Variants in PRPF8 observed in about 807,000 individuals in gnomAD.
The protein encoded by PRPF8 is pre-mRNA-processing-splicing factor 8.
A neutral mutation model predicts 285.9 loss-of-function variants in PRPF8; 64 were observed. The ratio of observed to expected loss-of-function variants is 0.22; its 90% CI spans 0.18 to 0.28. PRPF8 has a LOEUF of 0.28. PRPF8 is among the 10% of genes least tolerant of loss of function. The pLI, the probability that PRPF8 is intolerant of heterozygous loss-of-function variation, is 1.00. For missense variants in PRPF8, 1,426 were observed against 3,026.7 expected (o/e 0.47, Z 12.41); for synonymous variants, 1,325 against 1,118.2 (o/e 1.18, Z -3.69).
chr17:1,676,400 G>A lies in PRPF8; in HGVS notation c.2389-30C>T, dbSNP rs763803697. The A allele has an allele frequency of 1.1e-5, 18 of 1,613,852 alleles. No individual in the cohort carries two copies. Among genetic ancestry groups the A allele is most frequent in the South Asian group, 6.6e-5 (6 of 91,084 alleles). ...AAGGTGGACATGAAATTAGCCTCCCGCTACAGCCCGATCCTGCCAGAACAA... is the reference window on the plus strand; with the variant it reads ...AAGGTGGACATGAAATTAGCCTCCCACTACAGCCCGATCCTGCCAGAACAA... On this transcript the variant is annotated intron_variant, in intron 16 of 42. Transcript: ENST00000304992. This position sits in a 1 kb window ranked among gnomAD's most constrained non-coding sequence, Gnocchi z 6.3.
At chr17:1,655,254 G>C in intron 37 of PRPF8, 96 bp downstream of exon 37, 1 of 1,412,148 alleles carries the variant, frequency 7.1e-7, no homozygotes, top group Non-Finnish European at 9.8e-7. Flanking sequence ...CACCGCGCCT[G>C]GCCTTCTTGA....
At chr17:1,674,961 G>C (rs1351280488) in intron 20 of PRPF8, among the ~76,000 whole-genome samples, 191 bp downstream of exon 20, 1 of 152,058 alleles carries the variant, frequency 6.6e-6, no homozygotes, top group Admixed American at 6.6e-5. Flanking sequence ...TTTAAGTAGA[G>C]ACGGGGTTTC....
chr17:1,679,692 A>G lies in PRPF8; in HGVS notation c.1206T>C (p.Ile402=), dbSNP rs1450235456. 2.5e-6 allele frequency: 4 copies of G among 1,614,038 alleles called. No homozygotes were observed. The highest frequency in any genetic ancestry group is 3.4e-6 in the Non-Finnish European group (4 of 1,180,042). The change falls in exon 9 of 43, where the codon ATT becomes ATC. Residue 402 remains isoleucine, a synonymous_variant. Coordinates refer to ENST00000304992, the MANE Select transcript of PRPF8 (RefSeq NM_006445.4). The surrounding 1 kb of genome is among the most constrained non-coding windows in gnomAD (Gnocchi z 4.7). ...PLYTDNTANG[I]ALLWAPRPFN... ...AGGGCCGCGGGGCCCAGAGCAGGGC[A>G]ATGCCATTGGCTGTATTGTCTGTAT...
chr17:1,656,352 C>T (rs776527898), intron 36 of PRPF8, 40 bp downstream of exon 36: 15 of 1,613,262 alleles, frequency 9.3e-6, no homozygotes, highest in East Asian at 8.9e-5. Flanking sequence ...ACCCTAAACC[C>T]GCTCCTCCTC....
rs1278088065 is a variant in PRPF8, at chr17:1,679,315, C to T, written c.1385G>A (p.Arg462Gln). 14 of 1,613,896 alleles carry T rather than the reference C, an allele frequency of 8.7e-6. No homozygotes were observed. Among genetic ancestry groups the T allele is most frequent in the Non-Finnish European group, 1.2e-5 (14 of 1,180,006 alleles). ...KYYVLNALKH[R>Q]PPKAQKKRYL... ...CCTCTTCTTTTGAGCCTTAGGGGGC[C>T]GATGCTTCAGGGCATTCAGCACATA... The change falls in exon 10 of 43, where the codon CGG (arginine) becomes CAG (glutamine). Residue 462 changes from arginine (R) to glutamine (Q), a missense_variant. Arg to Gln is a conservative substitution (Grantham distance 43, BLOSUM62 1). Transcript: ENST00000304992. This position sits in a 1 kb window ranked among gnomAD's most constrained non-coding sequence, Gnocchi z 4.7.
At position 1,658,643 on chromosome 17, in the gene PRPF8, G is replaced by C. The variant is rs1439589917; in HGVS notation, c.5259C>G (p.Leu1753=). ...AAGGCTCAGTGGGTTCAGATGAATAGAGCTGTAGCCCCTTGCGGATCCGTT... is the reference window on the plus strand; with the variant it reads ...AAGGCTCAGTGGGTTCAGATGAATACAGCTGTAGCCCCTTGCGGATCCGTT... ...LRERIRKGLQ[L]YSSEPTEPYL... is the part of the protein sequence containing the mutation. The change falls in exon 33 of 43, where the codon CTC becomes CTG. Residue 1753 remains leucine (L), a synonymous_variant. Coordinates refer to ENST00000304992, the MANE Select transcript of PRPF8 (RefSeq NM_006445.4). This position sits in a 1 kb window ranked among gnomAD's most constrained non-coding sequence, Gnocchi z 4.1. The C allele has an allele frequency of 5.0e-6, 8 of 1,614,112 alleles. No individual in the cohort carries two copies. The Admixed American group carries it at 8.3e-5, about 17-fold the overall frequency.
intron 8 of PRPF8, 42 bp downstream of exon 8, chr17:1,680,684 C>T: frequency 6.4e-7 from 1 of 1,555,184 alleles, no homozygotes; most frequent in Non-Finnish European, 8.9e-7. Context: ...TCACGCATTT[C>T]TCCTAGAAGA....
Position 1,662,148 on chromosome 17 carries a change from C to T in PRPF8, c.3780G>A (p.Val1260=). The change falls in exon 25 of 43, where the codon GTG becomes GTA. Residue 1260 remains valine, a synonymous_variant. Transcript: ENST00000304992. ...ASGSTTFTKI[V]NKWNTALIGL... Reference sequence around the variant, plus strand: ...CAATGAGAGCTGTATTCCACTTATTCACAATCTAAAGGTAGTAGAAAAAAA... The same window carrying T: ...CAATGAGAGCTGTATTCCACTTATTTACAATCTAAAGGTAGTAGAAAAAAA... The T allele has an allele frequency of 6.2e-7, 1 of 1,614,114 alleles. No homozygotes were observed. The highest frequency in any genetic ancestry group is 1.1e-5 in the South Asian group (1 of 91,054).
At position 1,679,722 on chromosome 17, in the gene PRPF8, G is replaced by A. The variant is rs1193260372; in HGVS notation, c.1176C>T (p.Pro392=). The A allele has an allele frequency of 1.2e-6, 2 of 1,614,156 alleles. No individual in the cohort carries two copies. The highest frequency in any genetic ancestry group is 1.7e-6 in the Non-Finnish European group (2 of 1,180,022). The change falls in exon 9 of 43, where the codon CCC becomes CCT. Residue 392 remains proline (P), a synonymous_variant. Transcript: ENST00000304992. The surrounding 1 kb of genome is among the most constrained non-coding windows in gnomAD (Gnocchi z 4.7). ...CATTGGCTGTATTGTCTGTATAGAG[G>A]GGTGTGTCCTTCAGGAAGGGCTCCA... ...EFVEPFLKDT[P]LYTDNTANGI...
chr17:1,659,603 C>T lies in PRPF8; in HGVS notation c.4947-55G>A, dbSNP rs1911577763. ...GAAACCATGGGCATAACCAATGTCC[C>T]CAGAACCAGAACCACTTAAATCCCA... On this transcript the variant is annotated intron_variant, in intron 31 of 42. Coordinates refer to ENST00000304992, the MANE Select transcript of PRPF8 (RefSeq NM_006445.4). This position sits in a 1 kb window ranked among gnomAD's most constrained non-coding sequence, Gnocchi z 5.1. 6.3e-7 allele frequency: 1 copy of T among 1,592,512 alleles called. No homozygotes were observed.
intron 8 of PRPF8, 127 bp downstream of exon 8, chr17:1,680,599 T>C (rs2151130904): frequency 1.2e-6 from 1 of 852,144 alleles, no homozygotes; most frequent in South Asian, 1.4e-5. Context: ...TATTCGCTTA[T>C]AGCTCAAGGG....
chr17:1,671,752 G>A (rs1912331599), intron 24 of PRPF8, among the ~76,000 whole-genome samples: 1 of 151,072 alleles, frequency 6.6e-6, no homozygotes, highest in South Asian at 2.1e-4. Context: ...TCAGGAGGCT[G>A]AGGCAGGAGA....
chr17:1,656,772 A>G lies in PRPF8; in HGVS notation c.5506-11T>C. ...CTTCCACTTAGCCAACTTAAAAGCA[A>G]GAGAGAAGAAAATGGAAATTTAGTC... On this transcript the variant is annotated splice_polypyrimidine_tract_variant and intron_variant, in intron 34 of 42. Transcript: ENST00000304992. The G allele has an allele frequency of 1.2e-6, 2 of 1,612,430 alleles. No homozygotes were observed. The highest frequency in any genetic ancestry group is 1.7e-6 in the Non-Finnish European group (2 of 1,178,848).
intron 24 of PRPF8, among the ~76,000 whole-genome samples, chr17:1,669,033 T>C (rs1301393857): frequency 6.6e-6 from 1 of 152,212 alleles, no homozygotes; most frequent in Non-Finnish European, 1.5e-5. Context: ...TCCTGTCAGG[T>C]TCAGAGGATT....
Position 1,655,438 on chromosome 17 carries a change from T to C in PRPF8, c.5899A>G (p.Ile1967Val). Residue 1967 changes from isoleucine to valine, a missense_variant, in exon 37 of 43, where the codon ATC becomes GTC. Ile to Val is a conservative substitution (Grantham distance 29). Around this residue, in one of 34 missense-constraint regions of PRPF8, gnomAD observed 35 missense variants for 47.7 expected, o/e 0.73. Coordinates refer to ENST00000304992, the MANE Select transcript of PRPF8 (RefSeq NM_006445.4). ...TCTTCGTCAGTCAGAGTGGGCCAGA[T>C]GTGGTGTGGTTCTGTAATAGTAGTC... ...DKTTITEPHH[I>V]WPTLTDEEWI... 6.2e-7 allele frequency: 1 copy of C among 1,614,084 alleles called. No individual in the cohort carries two copies. The highest frequency in any genetic ancestry group is 8.5e-7 in the Non-Finnish European group (1 of 1,180,010).
rs137976080 is a variant in PRPF8 at position 1,677,404 on chromosome 17, A to T, written c.1984+161T>A. 1.8e-4 allele frequency: 208 copies of T among 1,150,798 alleles called. No homozygotes were observed. The African/African-American group carries it at 2.7e-3, about 15-fold the overall frequency. The allele number at this position is 1,150,798 out of a possible 1,614,324, so 71.3% of individuals were successfully genotyped here. On this transcript the variant is annotated intron_variant, in intron 14 of 42. Coordinates refer to ENST00000304992, the MANE Select transcript of PRPF8 (RefSeq NM_006445.4). ...ACTGCCTCTCAAGGCCCCAGAAGGA[A>T]GCCCAAGAAATAGAATACTAGGTCA...
intron 24 of PRPF8, 41 bp from the exon 25 acceptor site, chr17:1,662,194 G>A: frequency 6.2e-7 from 1 of 1,612,038 alleles, no homozygotes; most frequent in Non-Finnish European, 8.5e-7. Context: ...AGATGAGCCA[G>A]GGGCGGGGAG....
At chr17:1,665,332 G>A (rs1193291656) in intron 24 of PRPF8, among the ~76,000 whole-genome samples, 1 of 151,574 alleles carries the variant, frequency 6.6e-6, no homozygotes, top group Non-Finnish European at 1.5e-5. Context: ...GAGGTCAGGA[G>A]ATCAAGACCA....
Position 1,676,870 on chromosome 17 carries a change from A to G in PRPF8, c.2181+106T>C. ...TGCTTCTTTTCCCTGTCTAAAAGGG[A>G]AAAGAAAAGAGATTGGAGCCAGATA... On this transcript the variant is annotated intron_variant, in intron 15 of 42. Coordinates refer to ENST00000304992, the MANE Select transcript of PRPF8 (RefSeq NM_006445.4). The surrounding 1 kb of genome is among the most constrained non-coding windows in gnomAD (Gnocchi z 6.3). 6.6e-7 allele frequency: 1 copy of G among 1,510,260 alleles called. No individual in the cohort carries two copies. The highest frequency in any genetic ancestry group is 9.1e-7 in the Non-Finnish European group (1 of 1,096,784). The allele number at this position is 1,510,260 out of a possible 1,614,324, so 93.6% of individuals were successfully genotyped here. A position where few individuals can be genotyped will look rare whatever the true frequency, so the allele number is the denominator to read the frequency against.
Sources: gnomAD v4.1 joint callset for allele counts (sites outside exome capture counted in the v4.1 genomes callset) on GRCh38, gnomAD v4.1.1 for gene constraint, gnomAD v4.1.1 regional missense constraint, Gnocchi (gnomAD v3.1) non-coding constraint, MANE v1.5 for transcripts, NCBI Gene and HGNC (gene_info 2026-07-23, HGNC 2026-07-21) for gene names.